Variants in CDC42 observed in about 807,000 individuals in gnomAD.
The protein encoded by CDC42 is cell division control protein 42 homolog.
A neutral mutation model predicts 20.8 loss-of-function variants in CDC42; 1 was observed. The ratio of observed to expected loss-of-function variants is 0.05; its 90% CI spans 0.02 to 0.23. The LOEUF is 0.23. Among genes scored for constraint, CDC42 ranks in the 10% least tolerant of loss-of-function variants. The pLI, the probability that CDC42 is intolerant of heterozygous loss-of-function variation, is 1.00. For synonymous variants in CDC42, 72 were observed against 84.8 expected, an observed-to-expected ratio of 0.85 and a Z score of 0.83; for missense variants, 49 against 227.9, an observed-to-expected ratio of 0.21 and a Z score of 5.05.
rs1412775084 is a variant in CDC42 at position 22,098,773 on chromosome 1, T to A, written c.*7256T>A. On this transcript the variant is annotated 3_prime_UTR_variant, in exon 6 of 6. Coordinates refer to ENST00000656825, the MANE Select transcript of CDC42 (RefSeq NM_001791.4). ...TCATTACAGCTTTACTTATTTATTTTTTGGAGACAGGGTCTCACTCTGTCA... is the reference window on the plus strand; with the variant it reads ...TCATTACAGCTTTACTTATTTATTTATTGGAGACAGGGTCTCACTCTGTCA... 6.6e-6 allele frequency among the ~76,000 whole-genome samples: 1 copy of A among 152,144 alleles called. No individual in the cohort carries two copies. The highest frequency in any genetic ancestry group is 1.5e-5 in the Non-Finnish European group (1 of 68,024).
At chr1:22,070,161 A>G (rs1645469611) in intron 1 of CDC42, among the ~76,000 whole-genome samples, 2 of 152,216 alleles carry the variant, frequency 1.3e-5, no homozygotes, top group African/African-American at 4.8e-5. Context: ...ATTCCTCTTC[A>G]AAGACTTCCC....
chr1:22,060,087 ATCCCAGCACTTTGGGAGGC>A (rs1645346561), intron 1 of CDC42, among the ~76,000 whole-genome samples: 1 of 151,734 alleles, frequency 6.6e-6, no homozygotes, highest in Non-Finnish European at 1.5e-5. Flanking sequence ...CATGCTTGTA[ATCCCAGCACTTTGGGAGGC>A]TGAGGCAGGC....
chr1:22,059,366 A>G (rs933946613), intron 1 of CDC42: 7 of 152,200 alleles, frequency 4.6e-5, no homozygotes, highest in African/African-American at 1.7e-4. Context: ...GTCTAAGCAT[A>G]TGATTAGGAT....
Position 22,061,528 on chromosome 1 carries a change from C to CTTTTTTTTTT in CDC42, c.-51+8789_-51+8790insTTTTTTTTTT, listed in dbSNP as rs1404317396. On this transcript the variant is annotated intron_variant, in intron 1 of 5. Transcript: ENST00000656825. ...GGTCAATCAGTTTAACTTCATGTTT[C>CTTTTTTTTTT]TTTCTTTTTTTTTTTTTTTTTTTTT... 7.0e-5 allele frequency among the ~76,000 whole-genome samples: 6 copies of CTTTTTTTTTT among 86,306 alleles called. 3 individuals carry two copies. Among genetic ancestry groups the CTTTTTTTTTT allele is most frequent in the African/African-American group, 8.9e-5 (2 of 22,406 alleles). 56.6% of individuals were successfully genotyped at this position (86,306 alleles called of 152,430 possible).
intron 1 of CDC42, chr1:22,074,281 T>C (rs1241895738): frequency 1.3e-5 from 2 of 152,374 alleles, no homozygotes; most frequent in African/African-American, 2.4e-5. Context: ...TTTCACCGTG[T>C]TAGCCAGAAT....
rs946964231 is a variant in CDC42 at position 22,092,931 on chromosome 1, C to T, written c.*1414C>T. The T allele has an allele frequency of 1.3e-5, 2 of 152,586 alleles. No homozygotes were observed. Among genetic ancestry groups the T allele is most frequent in the African/African-American group, 4.8e-5 (2 of 41,426 alleles). 9.5% of individuals were successfully genotyped at this position (152,586 alleles called of 1,614,324 possible). A position where few individuals can be genotyped will look rare whatever the true frequency, so the allele number is the denominator to read the frequency against. On this transcript the variant is annotated 3_prime_UTR_variant, in exon 6 of 6. Transcript: ENST00000656825. ...ATTCTTTTCAGATGTATTAAACAAA[C>T]AAAAACCCTTCACAAGCCAGCCTGA...
chr1:22,054,887 TTATGTATATATATA>T (rs1356603492), intron 1 of CDC42, among the ~76,000 whole-genome samples: 1 of 87,954 alleles, frequency 1.1e-5, no homozygotes, highest in Non-Finnish European at 2.4e-5. Context: ...TAGTTTGAAT[TTATGTATATATATA>T]TATATATATA....
At chr1:22,074,531 G>A (rs16826425) in intron 1 of CDC42, among the ~76,000 whole-genome samples, 20,061 of 151,946 alleles carry the variant, frequency 0.13, 1,415 homozygotes, top group Admixed American at 0.18. Flanking sequence ...TCCCCTGATT[G>A]CTCCCTTTAC....
chr1:22,090,586 TGG>T (rs1252331647), intron 5 of CDC42: 12 of 985,740 alleles, frequency 1.2e-5, no homozygotes, highest in Admixed American at 6.1e-5. Context: ...CAGTCTGGGG[TGG>T]GGAAGATATT....
intron 1 of CDC42, among the ~76,000 whole-genome samples, chr1:22,055,911 C>T (rs1645300643): frequency 6.8e-6 from 1 of 146,668 alleles, no homozygotes; most frequent in Admixed American, 6.8e-5. Context: ...CAATGAGCAC[C>T]TTAGGCTACA....
intron 1 of CDC42, among the ~76,000 whole-genome samples, chr1:22,067,319 TTTTTC>T (rs1019365667): frequency 6.6e-6 from 1 of 151,932 alleles, no homozygotes; most frequent in Non-Finnish European, 1.5e-5. Context: ...AGATGCTGGT[TTTTTC>T]TTTTCTTCTT....
rs936284558 is a variant in CDC42, at chr1:22,094,908, A to C, written c.*3391A>C. Among the ~76,000 whole-genome samples the C allele has an allele frequency of 1.3e-5, 2 of 152,052 alleles. No homozygotes were observed. The highest frequency in any genetic ancestry group is 4.8e-5 in the African/African-American group (2 of 41,402). On this transcript the variant is annotated 3_prime_UTR_variant, in exon 6 of 6. Transcript: ENST00000656825. ...TTCTTTGACTTGTTAGGTTTGGACT[A>C]TTTTCCTTTTCTTCTTCCATTTGTG...
chr1:22,072,609 G>A (rs560945757), intron 1 of CDC42, among the ~76,000 whole-genome samples: 223 of 152,230 alleles, frequency 1.5e-3, no homozygotes, highest in Non-Finnish European at 2.8e-3. Context: ...CTCTCTGGAG[G>A]TTGGTGCATG....
chr1:22,070,624 C>T (rs1376669191), intron 1 of CDC42, among the ~76,000 whole-genome samples: 2 of 151,904 alleles, frequency 1.3e-5, no homozygotes, highest in African/African-American at 4.8e-5. Flanking sequence ...CCACCACGCC[C>T]AGCTGATTTT....
At position 22,075,943 on chromosome 1, in the gene CDC42, T is replaced by C. The variant is rs117148063; in HGVS notation, c.-50-2486T>C. Among the ~76,000 whole-genome samples the C allele has an allele frequency of 9.8e-5, 15 of 152,312 alleles. No individual in the cohort carries two copies. In the East Asian group the frequency reaches 2.7e-3, roughly 27 times the overall value. On this transcript the variant is annotated intron_variant, in intron 1 of 5. Coordinates refer to ENST00000656825, the MANE Select transcript of CDC42 (RefSeq NM_001791.4). Reference sequence around the variant, plus strand: ...TAGAAAGGGGAAGAACAAACTCTTATCTTACTCCCTTCTCCCAATAAAATT... The same window carrying C: ...TAGAAAGGGGAAGAACAAACTCTTACCTTACTCCCTTCTCCCAATAAAATT...
At chr1:22,085,181 G>A (rs1256108972) in intron 3 of CDC42, among the ~76,000 whole-genome samples, 6 of 144,682 alleles carry the variant, frequency 4.1e-5, no homozygotes, top group African/African-American at 7.8e-5. Flanking sequence ...GCAGTGAGCC[G>A]AGATTGTGCC....
At chr1:22,059,784 TC>T (rs886413422) in intron 1 of CDC42, 9 of 152,156 alleles carry the variant, frequency 5.9e-5, no homozygotes, top group African/African-American at 2.2e-4. Context: ...CCTCAGGTGA[TC>T]CGCCTGCCTT....
chr1:22,075,759 CAG>C (rs1227509670), intron 1 of CDC42, among the ~76,000 whole-genome samples: 1 of 152,122 alleles, frequency 6.6e-6, no homozygotes, highest in African/African-American at 2.4e-5. Flanking sequence ...CCAAGCTACA[CAG>C]AGGTTGAATA....
Position 22,100,260 on chromosome 1 carries a change from T to A in CDC42, c.*8743T>A, listed in dbSNP as rs1645782203. On this transcript the variant is annotated 3_prime_UTR_variant, in exon 6 of 6. Coordinates refer to ENST00000656825, the MANE Select transcript of CDC42 (RefSeq NM_001791.4). ...TACTCATGCAGTTTTTGAGTTTAAG[T>A]AGTAAACTCCTAAACTTCAAGTCAT... Among the ~76,000 whole-genome samples the A allele has an allele frequency of 6.6e-6, 1 of 152,158 alleles. No homozygotes were observed. The highest frequency in any genetic ancestry group is 2.4e-5 in the African/African-American group (1 of 41,430).
Sources: allele counts gnomAD v4.1 joint callset (sites outside exome capture counted in the v4.1 genomes callset), GRCh38; gene constraint gnomAD v4.1.1; transcripts MANE v1.5; gene names NCBI Gene and HGNC (gene_info 2026-07-23, HGNC 2026-07-21).